The following RABGAP1L variants were observed in gnomAD, a reference collection of about 807,000 sequenced individuals.
The protein encoded by RABGAP1L is rab GTPase-activating protein 1-like.
RABGAP1L carries 63 observed loss-of-function variants against 137.7 expected under a neutral mutation model. That is an observed-to-expected ratio of 0.46 (90% CI 0.37 to 0.56). The LOEUF is 0.56. Among genes scored for constraint, RABGAP1L ranks in the 20% least tolerant of loss-of-function variants. The probability of loss-of-function intolerance (pLI) is 0.00; values close to 1 mark genes in which losing one functional copy is unlikely to be tolerated. For missense variants in RABGAP1L, 1,095 were observed against 1,244.0 expected, an observed-to-expected ratio of 0.88 and a Z score of 1.80; for synonymous variants, 431 against 433.7, an observed-to-expected ratio of 0.99 and a Z score of 0.08.
At chr1:174,334,980 G>A (rs975567443) in intron 11 of RABGAP1L, among the ~76,000 whole-genome samples, 1 of 152,056 alleles carries the variant, frequency 6.6e-6, no homozygotes, top group Non-Finnish European at 1.5e-5. Flanking sequence ...GCAAGTCACT[G>A]AATTTTTGTT....
intron 18 of RABGAP1L, among the ~76,000 whole-genome samples, chr1:174,803,945 C>A (rs997509341): frequency 6.6e-6 from 1 of 151,606 alleles, no homozygotes; most frequent in African/African-American, 2.4e-5. Flanking sequence ...TGGGGGTGGG[C>A]GCCTGTAATC....
intron 15 of RABGAP1L, among the ~76,000 whole-genome samples, chr1:174,687,176 C>T (rs996024932): frequency 1.3e-5 from 2 of 152,000 alleles, no homozygotes; most frequent in South Asian, 2.1e-4. Flanking sequence ...ATTCAAATAA[C>T]GAGAGCTCAA....
At chr1:174,681,137 C>T (rs1238938879) in intron 14 of RABGAP1L, among the ~76,000 whole-genome samples, 2 of 152,130 alleles carry the variant, frequency 1.3e-5, no homozygotes, top group African/African-American at 4.8e-5. Flanking sequence ...ATTGTATAAC[C>T]ACTTTGGGAA....
chr1:174,608,257 A>G (rs905859914), intron 13 of RABGAP1L, among the ~76,000 whole-genome samples: 6 of 151,944 alleles, frequency 3.9e-5, no homozygotes, highest in East Asian at 3.9e-4. Context: ...TCTTCTTTCT[A>G]TCATATGGAT....
intron 13 of RABGAP1L, among the ~76,000 whole-genome samples, chr1:174,452,562 T>TGTTC (rs1297430824): frequency 6.6e-6 from 1 of 151,470 alleles, no homozygotes; most frequent in African/African-American, 2.4e-5. Context: ...TTTTGTTTTT[T>TGTTC]GTTTGTTTGT....
At chr1:174,744,931 A>G (rs1014207993) in intron 17 of RABGAP1L, among the ~76,000 whole-genome samples, 16 of 152,330 alleles carry the variant, frequency 1.1e-4, no homozygotes, top group South Asian at 4.1e-4. Context: ...GATATGTAGG[A>G]CTTCTTGGTA....
chr1:174,327,960 T>TAA (rs1680596191), intron 11 of RABGAP1L, among the ~76,000 whole-genome samples: 1 of 12,234 alleles, frequency 8.2e-5, no homozygotes, highest in Admixed American at 9.8e-4. Context: ...GTTGTAAATA[T>TAA]ATATATATAT....
At chr1:174,197,571 C>G (rs112263592) in intron 1 of RABGAP1L, among the ~76,000 whole-genome samples, 1 of 152,080 alleles carries the variant, frequency 6.6e-6, no homozygotes, top group Admixed American at 6.5e-5. Context: ...TAGCACAATA[C>G]GTCTGATCTC....
At position 174,176,735 on chromosome 1, in the gene RABGAP1L, A is replaced by AT. The variant is rs1187464489; in HGVS notation, c.-34+17078_-34+17079insT. On this transcript the variant is annotated intron_variant, in intron 1 of 25. Coordinates refer to ENST00000681986, the MANE Select transcript of RABGAP1L (RefSeq NM_001366446.1). ...TCAGAAAAAAAAAAAAAAAAAAAAA[A>AT]AAAAAAAAAAAGGTCAACATTTGTT... Among the ~76,000 whole-genome samples the AT allele has an allele frequency of 2.2e-4, 31 of 142,924 alleles. 3 individuals are homozygous for AT. The highest frequency in any genetic ancestry group is 6.3e-4 in the African/African-American group (23 of 36,612). The allele number at this position is 142,924 out of a possible 152,430, so 93.8% of individuals were successfully genotyped here. A position where few individuals can be genotyped will look rare whatever the true frequency, so the allele number is the denominator to read the frequency against.
At chr1:174,562,665 T>C (rs1667301474) in intron 13 of RABGAP1L, among the ~76,000 whole-genome samples, 1 of 152,212 alleles carries the variant, frequency 6.6e-6, no homozygotes, top group African/African-American at 2.4e-5. Context: ...CACGGAATAC[T>C]ATTTAGCCAT....
chr1:174,644,567 T>C (rs1007125470), intron 14 of RABGAP1L, among the ~76,000 whole-genome samples: 4 of 152,004 alleles, frequency 2.6e-5, no homozygotes, highest in Admixed American at 1.3e-4. Flanking sequence ...CCTGCAAAGA[T>C]GAAACACAGG....
intron 11 of RABGAP1L, among the ~76,000 whole-genome samples, chr1:174,305,873 G>A (rs1404394142): frequency 6.6e-6 from 1 of 151,840 alleles, no homozygotes; most frequent in African/African-American, 2.4e-5. Context: ...CCATTAACTC[G>A]TCATTTATAT....
chr1:174,598,863 A>T (rs1360375833), intron 13 of RABGAP1L, among the ~76,000 whole-genome samples: 1 of 149,920 alleles, frequency 6.7e-6, no homozygotes, highest in Admixed American at 6.6e-5. Flanking sequence ...CCATTCAGCC[A>T]CTCCATTTCT....
intron 13 of RABGAP1L, among the ~76,000 whole-genome samples, chr1:174,636,045 C>T (rs764773001): frequency 6.6e-6 from 1 of 152,078 alleles, no homozygotes; most frequent in African/African-American, 2.4e-5. Flanking sequence ...GTGAATTGTA[C>T]AAAATATTTT....
chr1:174,829,251 CT>C (rs1275812186), intron 19 of RABGAP1L, among the ~76,000 whole-genome samples: 1 of 148,178 alleles, frequency 6.7e-6, no homozygotes, highest in Admixed American at 6.7e-5. Context: ...TGCATTTTCC[CT>C]GAAAATACTT....
At chr1:174,381,756 G>A (rs1686185467) in intron 12 of RABGAP1L, among the ~76,000 whole-genome samples, 1 of 98,424 alleles carries the variant, frequency 1.0e-5, no homozygotes, top group African/African-American at 5.2e-5. Context: ...TTGCCAGTCT[G>A]TGTCTTTTAA....
intron 19 of RABGAP1L, among the ~76,000 whole-genome samples, chr1:174,852,395 C>G (rs1282136267): frequency 6.6e-6 from 1 of 152,160 alleles, no homozygotes; most frequent in African/African-American, 2.4e-5. Context: ...TTCTTTTTGC[C>G]AGTAAGTTAC....
chr1:174,187,406 C>G (rs912466010), intron 1 of RABGAP1L, among the ~76,000 whole-genome samples: 1 of 151,992 alleles, frequency 6.6e-6, no homozygotes, highest in African/African-American at 2.4e-5. Context: ...GCAGTGTCTG[C>G]TATGTAATAA....
At chr1:174,514,574 A>G (rs867749503) in intron 13 of RABGAP1L, among the ~76,000 whole-genome samples, 2 of 152,214 alleles carry the variant, frequency 1.3e-5, no homozygotes, top group African/African-American at 2.4e-5. Context: ...AAGTAGATGC[A>G]TAAGAACATT....
Sources: allele counts gnomAD v4.1 joint callset (sites outside exome capture counted in the v4.1 genomes callset), GRCh38; gene constraint gnomAD v4.1.1; transcripts MANE v1.5; gene names NCBI Gene and HGNC (gene_info 2026-07-23, HGNC 2026-07-21).